The following TULP4 variants were observed in gnomAD, a reference collection of about 807,000 sequenced individuals.
TULP4 encodes the protein tubby-related protein 4.
TULP4 carries 16 observed loss-of-function variants against 129.0 expected under a neutral mutation model. The ratio of observed to expected loss-of-function variants is 0.12; its 90% CI spans 0.08 to 0.19. TULP4 has a LOEUF of 0.19. Among genes scored for constraint, TULP4 ranks in the 10% least tolerant of loss-of-function variants. The pLI is 1.00. For synonymous variants in TULP4, 998 were observed against 854.0 expected, an observed-to-expected ratio of 1.17 and a Z score of -2.94; for missense variants, 1,842 against 2,059.1, an observed-to-expected ratio of 0.89 and a Z score of 2.04.
intron 1 of TULP4, among the ~76,000 whole-genome samples, chr6:158,370,583 AG>A (rs1777049957): frequency 1.3e-5 from 2 of 151,806 alleles, no homozygotes; most frequent in African/African-American, 4.8e-5. Context: ...ATAAGTCTTC[AG>A]AGTGGACTTA....
intron 3 of TULP4, among the ~76,000 whole-genome samples, chr6:158,430,908 G>T (rs571928269): frequency 6.6e-6 from 1 of 151,974 alleles, no homozygotes; most frequent in South Asian, 2.1e-4. Flanking sequence ...ATATGGAACC[G>T]TAACTTTCAT....
At chr6:158,487,314 T>C (rs924468504) in intron 8 of TULP4, among the ~76,000 whole-genome samples, 12 of 151,364 alleles carry the variant, frequency 7.9e-5, no homozygotes, top group East Asian at 7.7e-4. Flanking sequence ...GCAGCATGCA[T>C]CTGTAGTCCC....
chr6:158,498,375 T>G (rs931328541), intron 11 of TULP4, among the ~76,000 whole-genome samples: 20 of 152,260 alleles, frequency 1.3e-4, no homozygotes, highest in African/African-American at 4.8e-4. Flanking sequence ...AAATGATTTG[T>G]GTCTAAAATG....
chr6:158,250,957 A>G (rs1778129076), intron 1 of TULP4, among the ~76,000 whole-genome samples: 1 of 152,124 alleles, frequency 6.6e-6, no homozygotes, highest in African/African-American at 2.4e-5. Context: ...ATTTATTACC[A>G]AACCTTTCAC....
upstream of TULP4, among the ~76,000 whole-genome samples, chr6:158,280,863 T>C (rs1778736690): frequency 6.6e-6 from 1 of 152,236 alleles, no homozygotes; most frequent in Admixed American, 6.5e-5. Flanking sequence ...GGCACTCAAG[T>C]GTTTGCACAG....
intron 1 of TULP4, among the ~76,000 whole-genome samples, chr6:158,232,977 C>A (rs529251945): frequency 1.1e-4 from 17 of 152,350 alleles, no homozygotes; most frequent in Admixed American, 9.8e-4. Flanking sequence ...GAGCACCAAC[C>A]CTTCCTCTTT....
chr6:158,426,648 A>G (rs1343600046), intron 2 of TULP4, among the ~76,000 whole-genome samples: 2 of 152,218 alleles, frequency 1.3e-5, no homozygotes, highest in Non-Finnish European at 2.9e-5. Flanking sequence ...GAAGTCAGGT[A>G]GCATGATGCC....
At chr6:158,238,295 G>A in intron 1 of TULP4, 1 of 1,111,396 alleles carries the variant, frequency 9.0e-7, no homozygotes, top group East Asian at 2.3e-5. Flanking sequence ...ACGCAGAGCT[G>A]GGCACCTTGG....
rs542381564 is a variant in TULP4, at chr6:158,473,840, A to G, written c.1027-5911A>G. Among the ~76,000 whole-genome samples, 170 of 151,442 alleles carry G rather than the reference A, an allele frequency of 1.1e-3. 1 individual carries two copies. Among genetic ancestry groups the G allele is most frequent in the Non-Finnish European group, 1.8e-3 (125 of 67,896 alleles). On this transcript the variant is annotated intron_variant, in intron 6 of 13. Coordinates refer to ENST00000367097, the MANE Select transcript of TULP4 (RefSeq NM_020245.5). The stretch of plus-strand genomic sequence containing the variant: ...CCTGGCCTTTTAAAAATTTGTTATA[A>G]ACAGAGTCTCACTGTCTCCCAGGCT...
upstream of TULP4, among the ~76,000 whole-genome samples, chr6:158,281,269 A>G (rs1303372441): frequency 1.3e-5 from 2 of 149,400 alleles, no homozygotes; most frequent in African/African-American, 2.5e-5. Flanking sequence ...GCTGGAGTGC[A>G]GTGGCACGAT....
chr6:158,402,853 CA>C lies in TULP4; in HGVS notation c.253-10209del, dbSNP rs1280796273. On this transcript the variant is annotated intron_variant, in intron 1 of 13. Transcript: ENST00000367097. ...GATGACTATTGGAGTTATTAGAAAGCAAATTATCTCTGTGCCAGAATGCTGG... is the reference window on the plus strand; with the variant it reads ...GATGACTATTGGAGTTATTAGAAAGCAATTATCTCTGTGCCAGAATGCTGG... 2.0e-5 allele frequency among the ~76,000 whole-genome samples: 3 copies of C among 149,028 alleles called. No homozygotes were observed. The East Asian group carries it at 5.9e-4, about 29-fold the overall frequency.
intron 1 of TULP4, among the ~76,000 whole-genome samples, chr6:158,297,483 TTAAAG>T (rs1305431888): frequency 6.6e-5 from 10 of 152,138 alleles, no homozygotes; most frequent in African/African-American, 9.7e-5. Context: ...GATTAAAAGA[TTAAAG>T]TAAGACAGGC....
intron 1 of TULP4, among the ~76,000 whole-genome samples, chr6:158,274,752 G>T (rs1778612940): frequency 1.3e-5 from 2 of 152,120 alleles, no homozygotes; most frequent in Non-Finnish European, 2.9e-5. Flanking sequence ...ACTCCAGCCT[G>T]GGCAACAGAG....
chr6:158,473,205 G>A (rs1583915312), intron 6 of TULP4, among the ~76,000 whole-genome samples: 1 of 152,134 alleles, frequency 6.6e-6, no homozygotes, highest in African/African-American at 2.4e-5. Context: ...TCTTGGAGGC[G>A]AATCCTATAG....
chr6:158,432,196 C>T (rs553867485), intron 3 of TULP4, among the ~76,000 whole-genome samples: 2 of 151,632 alleles, frequency 1.3e-5, no homozygotes, highest in African/African-American at 2.4e-5. Context: ...GTGTATCAGG[C>T]ACTCAGTCTT....
rs111660178 is a variant in TULP4, at chr6:158,242,258, C to A, written n.68+9955C>A. On this transcript the variant is annotated intron_variant and non_coding_transcript_variant, in intron 1 of 1. Coordinates refer to the TULP4 transcript ENST00000620026. ...ATGTTCATGGCCTGGTTCAGCTGGC[C>A]GTGGTCTATCAGTGCACATGCAGTG... is the stretch of plus-strand genomic sequence containing the variant. 641 of 1,554,468 alleles carry A rather than the reference C, an allele frequency of 4.1e-4. 1 individual carries two copies. The highest frequency in any genetic ancestry group is 1.8e-3 in the Middle Eastern group (8 of 4,430).
At chr6:158,429,609 C>T in intron 2 of TULP4, 127 bp from the exon 3 acceptor site, 1 of 1,034,286 alleles carries the variant, frequency 9.7e-7, no homozygotes, top group Non-Finnish European at 1.4e-6. Context: ...TTTCAAATAA[C>T]ATATGTTATA....
intron 1 of TULP4, among the ~76,000 whole-genome samples, chr6:158,374,169 C>CCCAGCTA (rs1777132172): frequency 1.3e-5 from 2 of 152,052 alleles, no homozygotes; most frequent in Admixed American, 1.3e-4. Context: ...CCCCTATAGC[C>CCCAGCTA]CCAGCTACGT....
At chr6:158,308,267 A>G (rs908221736), upstream of TULP4, among the ~76,000 whole-genome samples, 1 of 148,184 alleles carries the variant, frequency 6.7e-6, no homozygotes, top group African/African-American at 2.5e-5. Context: ...CCCTTAATCC[A>G]TTTAACCCTG....
Sources: allele counts gnomAD v4.1 joint callset (sites outside exome capture counted in the v4.1 genomes callset), GRCh38; gene constraint gnomAD v4.1.1; transcripts MANE v1.5; gene names NCBI Gene and HGNC (gene_info 2026-07-23, HGNC 2026-07-21).